Variants in KIF1A observed in about 807,000 individuals in gnomAD.
KIF1A encodes the protein kinesin family member 1A, also known as kinesin-like protein KIF1A.
A neutral mutation model predicts 227.3 loss-of-function variants in KIF1A; 46 were observed. That is an observed-to-expected ratio of 0.20 (90% CI 0.16 to 0.26). The LOEUF is 0.26. Among genes scored for constraint, KIF1A ranks in the 10% least tolerant of loss-of-function variants. The probability of loss-of-function intolerance (pLI) is 1.00; values close to 1 mark genes in which losing one functional copy is unlikely to be tolerated. For synonymous variants in KIF1A, 1,022 were observed against 1,012.8 expected, an observed-to-expected ratio of 1.01 and a Z score of -0.17; for missense variants, 1,683 against 2,485.9, an observed-to-expected ratio of 0.68 and a Z score of 6.87.
At position 240,787,394 on chromosome 2, in the gene KIF1A, C is replaced by T; in HGVS notation, c.364-78G>A. The T allele has an allele frequency of 3.1e-6, 4 of 1,277,356 alleles. No individual in the cohort carries two copies. The South Asian group carries it at 3.6e-5, about 11-fold the overall frequency. 79.1% of individuals were successfully genotyped at this position (1,277,356 alleles called of 1,614,324 possible). A position where few individuals can be genotyped will look rare whatever the true frequency, so the allele number is the denominator to read the frequency against. The stretch of plus-strand genomic sequence containing the variant: ...TCCCTGCCCCTTGCGATACTGTGGG[C>T]AGCCTGTGCCAGGCGGGATCCACCC... On this transcript the variant is annotated intron_variant, in intron 4 of 48. Coordinates refer to ENST00000498729, the MANE Select transcript of KIF1A (RefSeq NM_001244008.2).
rs1559479236 is a variant in KIF1A, at chr2:240,725,284, G to A, written c.4243C>T (p.Arg1415Trp). 1.9e-6 allele frequency: 3 copies of A among 1,604,426 alleles called. No homozygotes were observed. The highest frequency in any genetic ancestry group is 1.7e-5 in the Admixed American group (1 of 58,808). The change falls in exon 40 of 49, where the codon CGG (arginine) becomes TGG (tryptophan). Residue 1415 changes from arginine (R) to tryptophan (W), a missense_variant. By Grantham distance (101) the Arg-to-Trp change is moderately radical (BLOSUM62 -3). Coordinates refer to ENST00000498729, the MANE Select transcript of KIF1A (RefSeq NM_001244008.2). The surrounding 1 kb of genome is among the most constrained non-coding windows in gnomAD (Gnocchi z 5.8). ...CTGGGAGCTTACCTCTCTGAGGCCC[G>A]AAGGCTCCCACTGCCAAAGAGGTTG... ...IRNLFGSGSL[R>W]ASESNRVTGV...
Position 240,717,154 on chromosome 2 carries a change from T to C in KIF1A, c.*210A>G. The C allele has an allele frequency of 2.0e-6, 1 of 510,494 alleles. No individual in the cohort carries two copies. Among genetic ancestry groups the C allele is most frequent in the Non-Finnish European group, 3.5e-6 (1 of 287,262 alleles). 31.6% of individuals were successfully genotyped at this position (510,494 alleles called of 1,614,324 possible). ...CCCAACTTGTTCCACCAGAGCACATTCTGCAAGAAGAACTGACACGCACAG... is the reference window on the plus strand; with the variant it reads ...CCCAACTTGTTCCACCAGAGCACATCCTGCAAGAAGAACTGACACGCACAG... On this transcript the variant is annotated 3_prime_UTR_variant, in exon 49 of 49. Transcript: ENST00000498729.
In KIF1A at chr2:240,778,867, C is replaced by T. The variant is rs112529664; in HGVS notation, c.883-2941G>A. Among the ~76,000 whole-genome samples, 24 of 152,252 alleles carry T rather than the reference C, an allele frequency of 1.6e-4. 1 individual carries two copies. Among genetic ancestry groups the T allele is most frequent in the African/African-American group, 5.5e-4 (23 of 41,540 alleles). Reference sequence around the variant, plus strand: ...TTCCTCACACGTTCCTCACACAACCCTTCACGCCATCCCCAATGCGGGTGC... The same window carrying T: ...TTCCTCACACGTTCCTCACACAACCTTTCACGCCATCCCCAATGCGGGTGC... On this transcript the variant is annotated intron_variant, in intron 10 of 48. Coordinates refer to ENST00000498729, the MANE Select transcript of KIF1A (RefSeq NM_001244008.2). This position sits in a 1 kb window ranked among gnomAD's most constrained non-coding sequence, Gnocchi z 7.2.
At chr2:240,718,975 G>C (rs762097232) in intron 47 of KIF1A, 31 bp downstream of exon 47, 8 of 1,569,330 alleles carry the variant, frequency 5.1e-6, no homozygotes, top group Non-Finnish European at 7.0e-6. Context: ...AGGGTTCCTG[G>C]TGCCCGAGCC....
rs2058005248 is a variant in KIF1A, at chr2:240,812,875, A to ACTCGGGGATCCACCTTCAC, written c.-61+7246_-61+7247insGTGAAGGTGGATCCCCGAG. Among the ~76,000 whole-genome samples the ACTCGGGGATCCACCTTCAC allele has an allele frequency of 9.5e-5, 6 of 63,192 alleles. No homozygotes were observed. The East Asian group carries it at 1.5e-3, about 16-fold the overall frequency. The allele number at this position is 63,192 out of a possible 152,430, so 41.5% of individuals were successfully genotyped here. On this transcript the variant is annotated intron_variant, in intron 1 of 48. Coordinates refer to ENST00000498729, the MANE Select transcript of KIF1A (RefSeq NM_001244008.2). Reference sequence around the variant, plus strand: ...GCCTTCACCTCGGGGATCAGCCTTCACTCGGGGATCCGCCTTCACCTCGGG... The same window carrying ACTCGGGGATCCACCTTCAC: ...GCCTTCACCTCGGGGATCAGCCTTCACTCGGGGATCCACCTTCACCTCGGGGATCCGCCTTCACCTCGGG...
At chr2:240,809,640 A>G (rs559989818) in intron 1 of KIF1A, among the ~76,000 whole-genome samples, 3 of 151,570 alleles carry the variant, frequency 2.0e-5, no homozygotes, top group Non-Finnish European at 4.4e-5. Flanking sequence ...AAGAAGAGTT[A>G]TATCTTCACG....
At chr2:240,744,900 A>C (rs1575561627) in intron 32 of KIF1A, among the ~76,000 whole-genome samples, 3 of 151,542 alleles carry the variant, frequency 2.0e-5, no homozygotes, top group Admixed American at 6.6e-5. Context: ...ACCGTTAGGC[A>C]CTCTTTCCCC....
chr2:240,733,863 C>T (rs1239205966), intron 38 of KIF1A, among the ~76,000 whole-genome samples: 1 of 152,234 alleles, frequency 6.6e-6, no homozygotes, highest in African/African-American at 2.4e-5. Flanking sequence ...ATGCAGGGAC[C>T]CAGGAGCAGG....
chr2:240,754,703 G>A (rs2049622530), intron 27 of KIF1A, among the ~76,000 whole-genome samples: 1 of 152,218 alleles, frequency 6.6e-6, no homozygotes. Context: ...TTGGGAACCA[G>A]AGCGTAGCCC....
intron 16 of KIF1A, 78 bp from the exon 17 acceptor site, chr2:240,769,286 G>A (rs747498488): frequency 8.3e-5 from 111 of 1,331,728 alleles, no homozygotes; most frequent in Non-Finnish European, 1.1e-4. Context: ...GACCAATGGG[G>A]GCAGCGGGCC....
chr2:240,774,726 G>A (rs1256668209), intron 11 of KIF1A, among the ~76,000 whole-genome samples: 2 of 152,050 alleles, frequency 1.3e-5, no homozygotes, highest in African/African-American at 2.4e-5. Context: ...CAGGTAATGC[G>A]TGGCATGAGG....
intron 45 of KIF1A, 90 bp downstream of exon 45, chr2:240,720,822 CCT>C: frequency 7.0e-7 from 1 of 1,436,330 alleles, no homozygotes; most frequent in East Asian, 2.5e-5. Flanking sequence ...ATTGGGGCCC[CCT>C]GTTCTGTGCT....
At chr2:240,784,876 A>G in intron 7 of KIF1A, 113 bp downstream of exon 7, 1 of 844,414 alleles carries the variant, frequency 1.2e-6, no homozygotes, top group Non-Finnish European at 2.0e-6. Context: ...CCCGCCCTGC[A>G]CAGGCCAGCA....
At position 240,769,698 on chromosome 2, in the gene KIF1A, C is replaced by T; in HGVS notation, c.1350G>A (p.Glu450=). 1.9e-6 allele frequency: 3 copies of T among 1,613,466 alleles called. No individual in the cohort carries two copies. The highest frequency in any genetic ancestry group is 2.5e-6 in the Non-Finnish European group (3 of 1,179,710). Residue 450 remains glutamate, a synonymous_variant, in exon 16 of 49, where the codon GAG becomes GAA. Coordinates refer to ENST00000498729, the MANE Select transcript of KIF1A (RefSeq NM_001244008.2). The stretch of plus-strand genomic sequence containing the variant: ...TCTCATTGAGCTCAGCTATGATCTT[C>T]TCTGTTTCCTGGGGATTGAGGCAGA... ...EEAIERLKET[E]KIIAELNETW... is the part of the protein sequence containing the mutation.
At chr2:240,799,497 C>T (rs1575657177) in intron 1 of KIF1A, among the ~76,000 whole-genome samples, 1 of 151,976 alleles carries the variant, frequency 6.6e-6, no homozygotes, top group East Asian at 1.9e-4. Flanking sequence ...ACACCACAGC[C>T]CCTTAGAGCC....
At chr2:240,728,031 G>T (rs551610035) in intron 38 of KIF1A, among the ~76,000 whole-genome samples, 1 of 152,168 alleles carries the variant, frequency 6.6e-6, no homozygotes, top group African/African-American at 2.4e-5. Context: ...AAGCATCCTC[G>T]CAAGGACACA....
At chr2:240,806,382 T>A (rs184987865) in intron 1 of KIF1A, among the ~76,000 whole-genome samples, 1 of 152,350 alleles carries the variant, frequency 6.6e-6, no homozygotes, top group Admixed American at 6.5e-5. Context: ...ATCTGAACAA[T>A]TCTCAAAACT....
intron 2 of KIF1A, among the ~76,000 whole-genome samples, chr2:240,794,250 T>C (rs921269746): frequency 1.3e-5 from 2 of 152,236 alleles, no homozygotes; most frequent in African/African-American, 4.8e-5. Flanking sequence ...CTGACATAGC[T>C]TCCAGCACTT....
chr2:240,758,220 G>A lies in KIF1A; in HGVS notation c.2582+140C>T. The A allele has an allele frequency of 1.1e-6, 1 of 929,492 alleles. No homozygotes were observed. The highest frequency in any genetic ancestry group is 1.6e-6 in the Non-Finnish European group (1 of 644,968). 57.6% of individuals were successfully genotyped at this position (929,492 alleles called of 1,614,324 possible). ...TGGCTGGGAGGAACCTCAGGCCAGG[G>A]AGGACAGGGCTGGGAATATGGGGCT... On this transcript the variant is annotated intron_variant, in intron 26 of 48. Transcript: ENST00000498729. The surrounding 1 kb of genome is among the most constrained non-coding windows in gnomAD (Gnocchi z 5.2).
Sources: allele counts gnomAD v4.1 joint callset (sites outside exome capture counted in the v4.1 genomes callset), GRCh38; gene constraint gnomAD v4.1.1; non-coding constraint Gnocchi (gnomAD v3.1); transcripts MANE v1.5; gene names NCBI Gene and HGNC (gene_info 2026-07-23, HGNC 2026-07-21).